SLC2A9: variants seen among roughly 807,000 people sequenced by gnomAD.
SLC2A9 encodes solute carrier family 2 member 9, also known as solute carrier family 2, facilitated glucose transporter member 9.
A neutral mutation model predicts 50.6 loss-of-function variants in SLC2A9; 39 were observed. That is an observed-to-expected ratio of 0.77 (90% CI 0.60 to 1.01). SLC2A9 has a LOEUF of 1.01. Ranked by LOEUF, SLC2A9 falls within the 50% of genes least tolerant of loss-of-function variation. The pLI, the probability that SLC2A9 is intolerant of heterozygous loss-of-function variation, is 0.00. For synonymous variants in SLC2A9, 324 were observed against 276.9 expected (o/e 1.17, Z -1.69); for missense variants, 686 against 677.6 (o/e 1.01, Z -0.14).
At chr4:9,794,922 A>T (rs1188602571), downstream of SLC2A9, among the ~76,000 whole-genome samples, 1 of 151,722 alleles carries the variant, frequency 6.6e-6, no homozygotes, top group Non-Finnish European at 1.5e-5. Context: ...TGGGACCAAC[A>T]TCACCAAAGA....
intron 4 of SLC2A9, among the ~76,000 whole-genome samples, chr4:9,981,730 T>A (rs923929171): frequency 6.6e-6 from 1 of 152,202 alleles, no homozygotes; most frequent in Non-Finnish European, 1.5e-5. Context: ...ATAGTTTTTT[T>A]CTCTAAACCT....
chr4:9,782,945 G>A, intron 3 of SLC2A9: 1 of 1,613,876 alleles, frequency 6.2e-7, no homozygotes, highest in Non-Finnish European at 8.5e-7. Context: ...GGGGGTCTTC[G>A]TGTGTTGCTG....
chr4:9,899,569 G>A (rs1311322952), intron 8 of SLC2A9, among the ~76,000 whole-genome samples: 3 of 152,044 alleles, frequency 2.0e-5, no homozygotes, highest in Non-Finnish European at 4.4e-5. Context: ...TTTCTGCTTG[G>A]GACAGGCTCT....
chr4:9,825,857 C>T (rs560858483), downstream of SLC2A9, among the ~76,000 whole-genome samples: 20 of 152,286 alleles, frequency 1.3e-4, no homozygotes, highest in African/African-American at 4.6e-4. Context: ...TTCTTAGGCA[C>T]TATGAATAAT....
At chr4:9,946,210 A>C (rs550686558) in intron 5 of SLC2A9, among the ~76,000 whole-genome samples, 1 of 146,068 alleles carries the variant, frequency 6.8e-6, no homozygotes, top group Non-Finnish European at 1.5e-5. Context: ...TTTAACTCCC[A>C]GTCAGGTCAG....
chr4:9,883,586 G>C (rs1735621785), intron 10 of SLC2A9, among the ~76,000 whole-genome samples: 1 of 152,218 alleles, frequency 6.6e-6, no homozygotes, highest in Non-Finnish European at 1.5e-5. Flanking sequence ...AAGGCTAGTG[G>C]CTGAATGCCA....
chr4:10,024,513 G>A (rs1172309425), upstream of SLC2A9, among the ~76,000 whole-genome samples: 3 of 152,172 alleles, frequency 2.0e-5, no homozygotes, highest in Non-Finnish European at 4.4e-5. Context: ...TGCCAAGAAG[G>A]GAGGCTTCAG....
At chr4:10,028,699 C>T (rs1025681318) in intron 1 of SLC2A9, among the ~76,000 whole-genome samples, 12 of 152,214 alleles carry the variant, frequency 7.9e-5, no homozygotes, top group South Asian at 4.1e-4. Context: ...CTGAACCTTC[C>T]TGCAAGATGC....
intron 3 of SLC2A9, among the ~76,000 whole-genome samples, chr4:9,994,757 A>G (rs1347915378): frequency 6.6e-6 from 1 of 151,732 alleles, no homozygotes; most frequent in Non-Finnish European, 1.5e-5. Flanking sequence ...TCCTTTTCCT[A>G]TTCCATCTGC....
At chr4:10,003,143 A>G (rs1225222944) in intron 2 of SLC2A9, among the ~76,000 whole-genome samples, 5 of 152,170 alleles carry the variant, frequency 3.3e-5, no homozygotes, top group Non-Finnish European at 5.9e-5. Context: ...GCCACCTGAT[A>G]AACAGGAGAC....
intron 7 of SLC2A9, among the ~76,000 whole-genome samples, chr4:9,913,987 T>C (rs1742386396): frequency 6.6e-6 from 1 of 152,178 alleles, no homozygotes; most frequent in South Asian, 2.1e-4. Context: ...CTACATGACG[T>C]AACTGCATTC....
intron 3 of SLC2A9, among the ~76,000 whole-genome samples, chr4:9,792,072 A>T (rs1003997198): frequency 1.7e-4 from 26 of 152,122 alleles, no homozygotes; most frequent in Non-Finnish European, 8.8e-5. Context: ...TGTGAGGGAC[A>T]GGATATGAAT....
chr4:9,790,864 CT>C (rs1719830606), intron 3 of SLC2A9, among the ~76,000 whole-genome samples: 1 of 152,306 alleles, frequency 6.6e-6, no homozygotes, highest in African/African-American at 2.4e-5. Flanking sequence ...ATTTATCTGC[CT>C]TGATCCTGCC....
chr4:9,933,929 T>C (rs559891369), intron 6 of SLC2A9, among the ~76,000 whole-genome samples: 13 of 152,278 alleles, frequency 8.5e-5, no homozygotes, highest in Admixed American at 5.2e-4. Flanking sequence ...CTCTCTCTCT[T>C]TGCCTCCTTT....
At chr4:10,008,974 A>G (rs1186913969) in intron 2 of SLC2A9, among the ~76,000 whole-genome samples, 1 of 148,066 alleles carries the variant, frequency 6.8e-6, no homozygotes, top group African/African-American at 2.6e-5. Flanking sequence ...CAAAAGCAAG[A>G]GTAAAACTGA....
rs540458544 is a variant in SLC2A9 at position 10,009,970 on chromosome 4, G to T, written c.249+9005C>A. Among the ~76,000 whole-genome samples the T allele has an allele frequency of 2.0e-5, 3 of 152,298 alleles. No homozygotes were observed. The South Asian group carries it at 6.2e-4, about 32-fold the overall frequency. ...TGGGATGTAGCCTGTGAATTCTTGG[G>T]ATTTCTTGAGTTATTCATGGCAGAC... On this transcript the variant is annotated intron_variant, in intron 2 of 11. Transcript: ENST00000264784.
intron 2 of SLC2A9, among the ~76,000 whole-genome samples, chr4:10,003,844 C>T (rs1251634551): frequency 6.6e-6 from 1 of 152,228 alleles, no homozygotes; most frequent in Non-Finnish European, 1.5e-5. Context: ...GTAACCCACA[C>T]ATCATAGTTA....
chr4:9,931,958 CTCTCTATATATATA>C (rs1224501889), intron 6 of SLC2A9, among the ~76,000 whole-genome samples: 2 of 34,416 alleles, frequency 5.8e-5, no homozygotes, highest in East Asian at 1.3e-3. Flanking sequence ...CTCTCTCTCT[CTCTCTATATATATA>C]TATATATATA....
chr4:9,776,754 T>G (rs1181042319), downstream of SLC2A9, among the ~76,000 whole-genome samples: 2 of 152,166 alleles, frequency 1.3e-5, no homozygotes, highest in African/African-American at 2.4e-5. Context: ...TAACAGGGGC[T>G]TAAAGACTGT....
Sources: gnomAD v4.1 joint callset for allele counts (sites outside exome capture counted in the v4.1 genomes callset) on GRCh38, gnomAD v4.1.1 for gene constraint, MANE v1.5 for transcripts, NCBI Gene and HGNC (gene_info 2026-07-23, HGNC 2026-07-21) for gene names.